Variants in CAPN14 observed in about 807,000 individuals in gnomAD.
CAPN14 encodes calpain-14.
CAPN14 carries 94 observed loss-of-function variants against 101.3 expected under a neutral mutation model. That is an observed-to-expected ratio of 0.93 (90% CI 0.79 to 1.10). CAPN14 has a LOEUF of 1.10. Among genes scored for constraint, CAPN14 ranks in the 50% least tolerant of loss-of-function variants. CAPN14 has a pLI of 0.00. For synonymous variants in CAPN14, 338 were observed against 317.9 expected (o/e 1.06, Z -0.67); for missense variants, 837 against 828.4 (o/e 1.01, Z -0.13).
In CAPN14 at chr2:31,211,311, A is replaced by T. The variant is rs191777850; in HGVS notation, c.-52-5812T>A. Among the ~76,000 whole-genome samples the T allele has an allele frequency of 1.2e-3, 187 of 152,242 alleles. 1 individual carries two copies. The highest frequency in any genetic ancestry group is 4.3e-3 in the African/African-American group (180 of 41,554). On this transcript the variant is annotated intron_variant, in intron 1 of 21. Transcript: ENST00000403897. ...AGCAAAAAAAATGACTATTATTCAC[A>T]GAAGAGGTTATTTTACATGTAGAAT...
At chr2:31,175,059 G>A (rs890532446) in intron 21 of CAPN14, among the ~76,000 whole-genome samples, 2 of 152,096 alleles carry the variant, frequency 1.3e-5, no homozygotes, top group Non-Finnish European at 2.9e-5. Context: ...TTACATTTAT[G>A]GGGCCCTTGG....
chr2:31,178,498 G>T lies in CAPN14; in HGVS notation c.1779+13C>A. 6.5e-7 allele frequency: 1 copy of T among 1,548,368 alleles called. No homozygotes were observed. Among genetic ancestry groups the T allele is most frequent in the South Asian group, 1.2e-5 (1 of 83,988 alleles). On this transcript the variant is annotated intron_variant, in intron 18 of 21. Coordinates refer to ENST00000403897, the MANE Select transcript of CAPN14 (RefSeq NM_001145122.2). ...CCATCTTCCAAAGAGGTGTGGTTAA[G>T]ACTTGTTCTTACCTGAGAGAGCTTC...
At chr2:31,225,453 G>C (rs1164680807) in intron 2 of CAPN14, among the ~76,000 whole-genome samples, 1 of 151,904 alleles carries the variant, frequency 6.6e-6, no homozygotes, top group Non-Finnish European at 1.5e-5. Context: ...TTGGTGATAA[G>C]TATCAAAAGC....
chr2:31,227,820 C>T (rs1368159611), intron 1 of CAPN14, among the ~76,000 whole-genome samples: 7 of 152,218 alleles, frequency 4.6e-5, no homozygotes, highest in Non-Finnish European at 7.3e-5. Flanking sequence ...AGTTGGAAGG[C>T]AAACAATTTA....
At chr2:31,195,175 A>C (rs1365926132) in intron 8 of CAPN14, among the ~76,000 whole-genome samples, 1 of 152,192 alleles carries the variant, frequency 6.6e-6, no homozygotes, top group East Asian at 1.9e-4. Flanking sequence ...GCTACATGAA[A>C]AAAAGGAGTT....
chr2:31,193,026 C>G (rs1681274677), intron 10 of CAPN14, 105 bp downstream of exon 10: 4 of 1,146,844 alleles, frequency 3.5e-6, no homozygotes, highest in South Asian at 1.5e-5. Flanking sequence ...AGCCTCCTCC[C>G]CACTCAGCCA....
At chr2:31,210,696 T>C (rs1682352716) in intron 1 of CAPN14, among the ~76,000 whole-genome samples, 1 of 152,196 alleles carries the variant, frequency 6.6e-6, no homozygotes, top group African/African-American at 2.4e-5. Context: ...AACATTTTAA[T>C]GTATACTTTT....
chr2:31,199,560 G>C, intron 6 of CAPN14, 28 bp from the exon 7 acceptor site: 1 of 1,540,540 alleles, frequency 6.5e-7, no homozygotes, highest in Non-Finnish European at 8.8e-7. Flanking sequence ...GTCCTGATCA[G>C]TCTTCTGTTA....
At position 31,190,487 on chromosome 2, in the gene CAPN14, G is replaced by C. The variant is rs910616612; in HGVS notation, c.1287+912C>G. ...CTAAATTGCATAATGAGCCACGGTA[G>C]CTGTCCTGGGTTTAGTTTTCCTGGT... On this transcript the variant is annotated intron_variant, in intron 12 of 21. Transcript: ENST00000403897. Among the ~76,000 whole-genome samples, 6 of 152,126 alleles carry C rather than the reference G, an allele frequency of 3.9e-5. No homozygotes were observed. In the South Asian group the frequency reaches 1.2e-3, roughly 32 times the overall value.
chr2:31,191,314 C>T, intron 12 of CAPN14, 85 bp downstream of exon 12: 1 of 1,321,390 alleles, frequency 7.6e-7, no homozygotes, highest in Non-Finnish European at 1.0e-6. Flanking sequence ...TAGAAGCCTG[C>T]TCCAGTCTAA....
intron 10 of CAPN14, 143 bp downstream of exon 10, chr2:31,192,988 G>C (rs77205595): frequency 0.019 from 15,211 of 797,922 alleles, 177 homozygotes; most frequent in Non-Finnish European, 0.024. Flanking sequence ...TTATAGCCCA[G>C]GGCCCCAACA....
intron 1 of CAPN14, among the ~76,000 whole-genome samples, chr2:31,227,521 G>T (rs1683061344): frequency 6.6e-6 from 1 of 152,188 alleles, no homozygotes; most frequent in South Asian, 2.1e-4. Flanking sequence ...CAAGGGGAAA[G>T]GGAACTATTT....
chr2:31,203,286 C>G (rs1681890443), intron 2 of CAPN14, 147 bp from the exon 3 acceptor site: 1 of 625,712 alleles, frequency 1.6e-6, no homozygotes, highest in African/African-American at 1.8e-5. Context: ...CCCAGAAGAT[C>G]TGGGATACAG....
intron 1 of CAPN14, among the ~76,000 whole-genome samples, chr2:31,213,195 G>A (rs914344773): frequency 2.0e-5 from 3 of 152,184 alleles, no homozygotes; most frequent in Non-Finnish European, 2.9e-5. Flanking sequence ...CCATGTGCCC[G>A]TGTGCTGACT....
chr2:31,174,552 G>A lies in CAPN14; in HGVS notation c.*129C>T. On this transcript the variant is annotated 3_prime_UTR_variant, in exon 22 of 22. Coordinates refer to ENST00000403897, the MANE Select transcript of CAPN14 (RefSeq NM_001145122.2). ...CTGCAGAAGAGAAACCTTCCCAGCT[G>A]AGAAGGTGACGGCTAGTGAGGCTGT... 1 of 934,914 alleles carries A rather than the reference G, an allele frequency of 1.1e-6. No homozygotes were observed. The highest frequency in any genetic ancestry group is 1.5e-5 in the South Asian group (1 of 66,576). The allele number at this position is 934,914 out of a possible 1,614,324, so 57.9% of individuals were successfully genotyped here.
At chr2:31,232,417 A>C (rs1405032302) in intron 1 of CAPN14, among the ~76,000 whole-genome samples, 2 of 152,186 alleles carry the variant, frequency 1.3e-5, no homozygotes, top group African/African-American at 4.8e-5. Flanking sequence ...AGTTTCCTAA[A>C]TGGTCTCTTG....
chr2:31,190,010 G>C (rs1050525058), intron 12 of CAPN14, among the ~76,000 whole-genome samples: 5 of 152,150 alleles, frequency 3.3e-5, no homozygotes, highest in African/African-American at 1.2e-4. Context: ...AGATAAGCTG[G>C]ACATTCCGCA....
chr2:31,203,091 C>T lies in CAPN14; in HGVS notation c.274G>A (p.Asp92Asn). The T allele has an allele frequency of 6.4e-7, 1 of 1,551,646 alleles. No individual in the cohort carries two copies. The highest frequency in any genetic ancestry group is 8.7e-7 in the Non-Finnish European group (1 of 1,146,962). ...QFYFAKAKRL[D>N]LCQGIVGDCW... ...TTACCTACTATCCCCTGGCACAGAT[C>T]CAGCCTTTTGGCCTTGGCAAAATAA... The change falls in exon 3 of 22, where the codon GAT (aspartate) becomes AAT (asparagine). Residue 92 changes from aspartate to asparagine, a missense_variant. Physicochemically the swap from Asp to Asn is conservative, Grantham distance 23. Transcript: ENST00000403897.
upstream of CAPN14, among the ~76,000 whole-genome samples, chr2:31,218,117 A>G (rs554326503): frequency 2.0e-5 from 3 of 152,114 alleles, no homozygotes; most frequent in African/African-American, 7.2e-5. Flanking sequence ...TTGACCTCCC[A>G]CTGGTTGTCT....
Sources: gnomAD v4.1 joint callset for allele counts (sites outside exome capture counted in the v4.1 genomes callset) on GRCh38, gnomAD v4.1.1 for gene constraint, MANE v1.5 for transcripts, NCBI Gene and HGNC (gene_info 2026-07-23, HGNC 2026-07-21) for gene names.